DMD: variants seen among roughly 807,000 people sequenced by gnomAD.
DMD encodes dystrophin.
Under a neutral mutation model 330.1 loss-of-function variants are expected in DMD, and 63 were observed. The observed-to-expected ratio is 0.19, with a 90% CI of 0.16 to 0.24. The LOEUF (loss-of-function observed/expected upper bound fraction) is 0.24, where lower values mean the gene tolerates loss of function less well. Among genes scored for constraint, DMD ranks in the 10% least tolerant of loss-of-function variants. The pLI is 1.00. For missense variants in DMD, 3,344 were observed against 2,684.1 expected, an observed-to-expected ratio of 1.25 and a Z score of -5.43; for synonymous variants, 1,223 against 959.8, an observed-to-expected ratio of 1.27 and a Z score of -5.07.
At chrX:32,621,529 G>T (rs2057991315) in intron 11 of DMD, among the ~76,000 whole-genome samples, 1 of 104,720 alleles carries the variant, frequency 9.5e-6, no homozygotes, top group African/African-American at 3.5e-5. Flanking sequence ...TCATTATGTT[G>T]CCCAGGCTGG....
chrX:32,308,519 T>C (rs1453933571), intron 42 of DMD, among the ~76,000 whole-genome samples: 1 of 111,323 alleles, frequency 9.0e-6, no homozygotes, highest in East Asian at 2.8e-4. Context: ...CCCATTCACC[T>C]GCTGGAGATT....
intron 47 of DMD, among the ~76,000 whole-genome samples, chrX:31,921,300 T>C (rs1222478404): frequency 8.9e-6 from 1 of 112,012 alleles, no homozygotes; most frequent in South Asian, 3.7e-4. Flanking sequence ...TCTTAGGCAA[T>C]AGGAGGAGAA....
chrX:31,274,764 A>G (rs75276675), intron 62 of DMD, among the ~76,000 whole-genome samples: 1 of 112,500 alleles, frequency 8.9e-6, no homozygotes, highest in Non-Finnish European at 1.9e-5. Flanking sequence ...AATAACTTCA[A>G]ACATAGTGTA....
intron 9 of DMD, among the ~76,000 whole-genome samples, chrX:32,661,220 T>C (rs779630539): frequency 2.6e-4 from 29 of 111,653 alleles, no homozygotes; most frequent in Non-Finnish European, 5.3e-4. Context: ...TAGACTGTGC[T>C]TTAAATTATA....
chrX:31,550,955 C>A (rs1288401849), intron 55 of DMD, among the ~76,000 whole-genome samples: 1 of 111,579 alleles, frequency 9.0e-6, no homozygotes, highest in Non-Finnish European at 1.9e-5. Context: ...CCAAGGCGGG[C>A]GGATCACTTG....
rs980586111 is a variant in DMD, at chrX:32,412,289, G to T, written c.4072-376C>A. 1.3e-5 allele frequency: 11 copies of T among 841,765 alleles called. No homozygotes were observed. The African/African-American group carries it at 2.3e-4, about 18-fold the overall frequency. The allele number at this position is 841,765 out of a possible 1,213,427, so 69.4% of individuals were successfully genotyped here. Reference sequence around the variant, plus strand: ...AGAGATTTGGTTTGCTTAGAATAGGGTCATCGTCATCACAATCCAATTCAA... The same window carrying T: ...AGAGATTTGGTTTGCTTAGAATAGGTTCATCGTCATCACAATCCAATTCAA... On this transcript the variant is annotated intron_variant, in intron 29 of 78. Transcript: ENST00000357033.
chrX:33,297,669 T>C (rs1482701636), intron 1 of DMD, among the ~76,000 whole-genome samples: 2 of 111,507 alleles, frequency 1.8e-5, no homozygotes, highest in African/African-American at 6.5e-5. Context: ...GAAGGAAATC[T>C]TGCGATTTGC....
At chrX:31,943,884 A>T (rs200706974) in intron 45 of DMD, among the ~76,000 whole-genome samples, 2 of 47,720 alleles carry the variant, frequency 4.2e-5, no homozygotes, top group Non-Finnish European at 7.7e-5. Context: ...AGAGTGAGAG[A>T]GAGAGAGAGA....
chrX:31,256,545 C>T (rs1477949154), intron 63 of DMD, among the ~76,000 whole-genome samples: 2 of 102,926 alleles, frequency 1.9e-5, no homozygotes, highest in Non-Finnish European at 4.0e-5. Context: ...AATTAATTAT[C>T]TTATATTGTT....
Position 32,364,590 on chromosome X carries a change from C to T in DMD, c.5146G>A (p.Val1716Met), listed in dbSNP as rs748814615. ...CATATTTTATTTGCTACCTTAAGCA[C>T]GTCTTCTTTTTGCTGGGGTTTCTTT... ...EKKKPQQKED[V>M]LKRLKAELND... Residue 1716 changes from valine (V) to methionine (M), a missense_variant, in exon 36 of 79, where the codon GTG becomes ATG. Coordinates refer to ENST00000357033, the MANE Select transcript of DMD (RefSeq NM_004006.3). 15 of 1,209,151 alleles carry T rather than the reference C, an allele frequency of 1.2e-5. No individual in the cohort carries two copies. Among genetic ancestry groups the T allele is most frequent in the Admixed American group, 6.6e-5 (3 of 45,719 alleles).
At chrX:32,500,040 A>G (rs1379668156) in intron 19 of DMD, among the ~76,000 whole-genome samples, 2 of 110,965 alleles carry the variant, frequency 1.8e-5, no homozygotes, top group Non-Finnish European at 3.8e-5. Context: ...CTAATGACGT[A>G]TCAGTTCGAC....
intron 62 of DMD, among the ~76,000 whole-genome samples, chrX:31,278,791 A>C (rs1247572065): frequency 8.9e-6 from 1 of 111,981 alleles, no homozygotes; most frequent in Non-Finnish European, 1.9e-5. Context: ...CAAATTGGCA[A>C]GTGTGTGCCT....
At chrX:33,045,747 A>C (rs1196519137) in intron 1 of DMD, among the ~76,000 whole-genome samples, 1 of 111,383 alleles carries the variant, frequency 9.0e-6, no homozygotes, top group Non-Finnish European at 1.9e-5. Flanking sequence ...AAAGAAGAGA[A>C]GGAGGTTCTG....
chrX:32,379,305 C>A (rs958914772), intron 34 of DMD, among the ~76,000 whole-genome samples: 1 of 109,441 alleles, frequency 9.1e-6, no homozygotes, highest in Admixed American at 9.9e-5. Flanking sequence ...ATTCTCCAGA[C>A]TATTCAAGCC....
At chrX:31,517,918 AACAC>A (rs372551324) in intron 55 of DMD, among the ~76,000 whole-genome samples, 4,590 of 89,419 alleles carry the variant, frequency 0.051, 104 homozygotes, top group Middle Eastern at 0.073. Context: ...CTGTGTTTCA[AACAC>A]ACACACACAC....
intron 1 of DMD, among the ~76,000 whole-genome samples, chrX:33,320,416 G>C (rs375207437): frequency 8.9e-6 from 1 of 111,883 alleles, no homozygotes; most frequent in East Asian, 2.8e-4. Context: ...TGAATTATTC[G>C]GTTTCCCAGT....
At chrX:32,126,381 G>A (rs1019595004) in intron 44 of DMD, among the ~76,000 whole-genome samples, 3 of 111,835 alleles carry the variant, frequency 2.7e-5, no homozygotes, top group African/African-American at 9.8e-5. Flanking sequence ...CTTAATAGAT[G>A]TAAACAGCTA....
At chrX:32,927,790 A>C (rs891006372) in intron 2 of DMD, among the ~76,000 whole-genome samples, 3 of 110,854 alleles carry the variant, frequency 2.7e-5, no homozygotes, top group Admixed American at 9.7e-5. Flanking sequence ...AGGGATGGTA[A>C]ATCTGATAAT....
intron 50 of DMD, among the ~76,000 whole-genome samples, chrX:31,809,890 T>C (rs929629698): frequency 2.7e-5 from 3 of 111,098 alleles, no homozygotes; most frequent in Non-Finnish European, 3.8e-5. Flanking sequence ...TTGAGATATA[T>C]AAGAATGCTG....
Sources: gnomAD v4.1 joint callset for allele counts (sites outside exome capture counted in the v4.1 genomes callset) on GRCh38, gnomAD v4.1.1 for gene constraint, MANE v1.5 for transcripts, NCBI Gene and HGNC (gene_info 2026-07-23, HGNC 2026-07-21) for gene names.